The following SERAC1 variants were observed in gnomAD, a reference collection of about 807,000 sequenced individuals.
SERAC1 encodes the protein protein SERAC1.
In SERAC1, 36 loss-of-function variants were observed where a neutral mutation model predicts 85.7. The observed-to-expected ratio is 0.42, with a 90% CI of 0.32 to 0.55. SERAC1 has a LOEUF of 0.55. Among genes scored for constraint, SERAC1 ranks in the 20% least tolerant of loss-of-function variants. The pLI, the probability that SERAC1 is intolerant of heterozygous loss-of-function variation, is 0.11. For synonymous variants in SERAC1, 242 were observed against 265.3 expected, an observed-to-expected ratio of 0.91 and a Z score of 0.85; for missense variants, 629 against 796.2, an observed-to-expected ratio of 0.79 and a Z score of 2.53.
chr6:158,145,904 C>A (rs1253447710), intron 6 of SERAC1: 1 of 152,042 alleles, frequency 6.6e-6, no homozygotes, highest in East Asian at 1.9e-4. Context: ...TGTACTATAA[C>A]CAGAGAAGAT....
At chr6:158,158,659 C>A in intron 1 of SERAC1, 1 of 233,080 alleles carries the variant, frequency 4.3e-6, no homozygotes, top group Non-Finnish European at 8.5e-6. Flanking sequence ...TCCCAGAACA[C>A]AAGAATTAAA....
intron 1 of SERAC1, chr6:158,161,030 GCACTCT>G (rs1785475933): frequency 6.6e-6 from 1 of 152,092 alleles, no homozygotes; most frequent in Admixed American, 6.6e-5. Flanking sequence ...TATGTAGTTA[GCACTCT>G]CACTCTCAGC....
At chr6:158,167,537 C>CAAAAAA in intron 1 of SERAC1, among the ~76,000 whole-genome samples, 1 of 69,896 alleles carries the variant, frequency 1.4e-5, no homozygotes, top group Non-Finnish European at 3.2e-5. Flanking sequence ...GACTCCATCT[C>CAAAAAA]AAAAAAAAAA....
At chr6:158,118,517 C>T (rs576389782) in intron 12 of SERAC1, among the ~76,000 whole-genome samples, 11 of 150,284 alleles carry the variant, frequency 7.3e-5, no homozygotes, top group African/African-American at 2.7e-4. Flanking sequence ...ACTCAGGAGG[C>T]TGAGGGGGAA....
Position 158,144,283 on chromosome 6 carries a change from T to G in SERAC1, c.609+16A>C. The G allele has an allele frequency of 6.3e-7, 1 of 1,591,848 alleles. No individual in the cohort carries two copies. Among genetic ancestry groups the G allele is most frequent in the Non-Finnish European group, 8.6e-7 (1 of 1,163,474 alleles). On this transcript the variant is annotated intron_variant, in intron 7 of 16. Transcript: ENST00000647468. Reference sequence around the variant, plus strand: ...TTTTTCACTCTCTAAATTACTATTATTATTGTTTTACTTACTTCTTTTAAA... The same window carrying G: ...TTTTTCACTCTCTAAATTACTATTAGTATTGTTTTACTTACTTCTTTTAAA...
At position 158,150,426 on chromosome 6, in the gene SERAC1, CAG is replaced by C. The variant is rs755625925; in HGVS notation, c.265+25_265+26del. The C allele has an allele frequency of 4.6e-6, 7 of 1,517,604 alleles. No individual in the cohort carries two copies. The South Asian group carries it at 8.2e-5, about 18-fold the overall frequency. The allele number at this position is 1,517,604 out of a possible 1,614,324, so 94.0% of individuals were successfully genotyped here. On this transcript the variant is annotated intron_variant, in intron 4 of 16. Coordinates refer to ENST00000647468, the MANE Select transcript of SERAC1 (RefSeq NM_032861.4). ...TGCAATAACTAGCTTCCATTTTTCA[CAG>C]AGGATTACTTTACAATAAACTTACC... is the stretch of plus-strand genomic sequence containing the variant.
Position 158,144,415 on chromosome 6 carries a change from G to GAT in SERAC1, c.492_493insAT (p.Gln165IlefsTer5). The GAT allele has an allele frequency of 6.4e-7, 1 of 1,566,154 alleles. No individual in the cohort carries two copies. Among genetic ancestry groups the GAT allele is most frequent in the Non-Finnish European group, 8.7e-7 (1 of 1,152,936 alleles). ...CAGGCTTGAGCAATTATCCTATACTGGTAATCTATTGAAAAAGCATTTTCT... is the reference window on the plus strand; with the variant it reads ...CAGGCTTGAGCAATTATCCTATACTGATGTAATCTATTGAAAAAGCATTTTCT... On this transcript the variant is annotated frameshift_variant, in exon 7 of 17. Coordinates refer to ENST00000647468, the MANE Select transcript of SERAC1 (RefSeq NM_032861.4). LOFTEE classifies it high-confidence loss of function.
rs542994019 is a variant in SERAC1 at position 158,116,085 on chromosome 6, G to A, written c.1501+100C>T. ...ATTTAGCAGGGGGGGTAAGGGAGCC[G>A]CTATTAAGTAAAATGGAAAGATAAA... On this transcript the variant is annotated intron_variant, in intron 14 of 16. Coordinates refer to ENST00000647468, the MANE Select transcript of SERAC1 (RefSeq NM_032861.4). The A allele has an allele frequency of 3.2e-4, 289 of 915,824 alleles. No individual in the cohort carries two copies. The African/African-American group carries it at 4.4e-3, about 14-fold the overall frequency. The allele number at this position is 915,824 out of a possible 1,614,324, so 56.7% of individuals were successfully genotyped here.
In SERAC1 at chr6:158,110,534, T is replaced by C. The variant is rs558995632; in HGVS notation, c.*832A>G. 3 of 152,344 alleles carry C rather than the reference T, an allele frequency of 2.0e-5. No homozygotes were observed. The South Asian group carries it at 6.2e-4, about 32-fold the overall frequency. The allele number at this position is 152,344 out of a possible 1,614,324, so 9.4% of individuals were successfully genotyped here. On this transcript the variant is annotated 3_prime_UTR_variant, in exon 17 of 17. Coordinates refer to ENST00000647468, the MANE Select transcript of SERAC1 (RefSeq NM_032861.4). ...ACTACTCACATGCTATAGAGGTCAA[T>C]TAATACCACTTGCAAATGAGCAAGG...
chr6:158,141,674 A>G (rs1784919039), intron 8 of SERAC1, among the ~76,000 whole-genome samples: 1 of 152,192 alleles, frequency 6.6e-6, no homozygotes, highest in South Asian at 2.1e-4. Context: ...GGGCAGGAAG[A>G]ATCAAAAAGA....
chr6:158,128,377 G>A (rs914446487), intron 9 of SERAC1, 107 bp from the exon 10 acceptor site: 3 of 990,754 alleles, frequency 3.0e-6, no homozygotes, highest in Non-Finnish European at 4.5e-6. Flanking sequence ...CTCAAGGGCA[G>A]GGATGCAGGG....
intron 10 of SERAC1, among the ~76,000 whole-genome samples, chr6:158,123,431 A>C (rs915354453): frequency 1.3e-5 from 2 of 152,226 alleles, no homozygotes; most frequent in African/African-American, 4.8e-5. Context: ...TGTTAGTGAG[A>C]AAATTCCTTT....
At chr6:158,164,145 T>C (rs1433759728) in intron 1 of SERAC1, among the ~76,000 whole-genome samples, 2 of 152,130 alleles carry the variant, frequency 1.3e-5, no homozygotes, top group East Asian at 3.9e-4. Flanking sequence ...CCACATAATT[T>C]TAGAGTCTGC....
rs1162028191 is a variant in SERAC1, at chr6:158,150,492, A to G, written c.226T>C (p.Tyr76His). The G allele has an allele frequency of 6.3e-7, 1 of 1,579,406 alleles. No homozygotes were observed. Residue 76 changes from tyrosine (Y) to histidine (H), a missense_variant, in exon 4 of 17, where the codon TAT becomes CAT. By Grantham distance (83) the Tyr-to-His change is moderately conservative. Transcript: ENST00000647468. ...VEREKMKSYI[Y>H]VHTVSLDKGE... The stretch of plus-strand genomic sequence containing the variant: ...TTGTCTAAAGAAACTGTGTGCACAT[A>G]TATATATGACTTCATTTTTTCTCGT...
rs1048242614 is a variant in SERAC1 at position 158,120,029 on chromosome 6, T to C, written c.1166+396A>G. 1.3e-5 allele frequency among the ~76,000 whole-genome samples: 2 copies of C among 152,208 alleles called. No homozygotes were observed. Among genetic ancestry groups the C allele is most frequent in the Non-Finnish European group, 2.9e-5 (2 of 68,032 alleles). ...CCCTTGAGTTCTAGGCCCAGGCTAA[T>C]TTGGTTGCCACATAAGACAATGTCT... On this transcript the variant is annotated intron_variant, in intron 11 of 16. Transcript: ENST00000647468. The surrounding 1 kb of genome is among the most constrained non-coding windows in gnomAD (Gnocchi z 4.4).
At chr6:158,116,376 A>C (rs1263911912) in intron 13 of SERAC1, 94 bp from the exon 14 acceptor site, 2 of 847,904 alleles carry the variant, frequency 2.4e-6, no homozygotes, top group East Asian at 5.1e-5. Flanking sequence ...AGTCTACAGG[A>C]CCAATGCTAC....
At position 158,119,190 on chromosome 6, in the gene SERAC1, T is replaced by TA; in HGVS notation, c.1167-21dup. On this transcript the variant is annotated intron_variant, in intron 11 of 16. Coordinates refer to ENST00000647468, the MANE Select transcript of SERAC1 (RefSeq NM_032861.4). This position sits in a 1 kb window ranked among gnomAD's most constrained non-coding sequence, Gnocchi z 4.5. ...GGCTGACTAATAGGGGAGAGAGTTT[T>TA]AAAAAGAAGCAGAATAAATGCATTA... 1 of 1,595,114 alleles carries TA rather than the reference T, an allele frequency of 6.3e-7. No individual in the cohort carries two copies. Among genetic ancestry groups the TA allele is most frequent in the Non-Finnish European group, 8.6e-7 (1 of 1,169,274 alleles).
In SERAC1 at chr6:158,117,462, A is replaced by G; in HGVS notation, c.1403+265T>C. 2 of 1,513,028 alleles carry G rather than the reference A, an allele frequency of 1.3e-6. No individual in the cohort carries two copies. The highest frequency in any genetic ancestry group is 1.8e-6 in the Non-Finnish European group (2 of 1,121,194). The allele number at this position is 1,513,028 out of a possible 1,614,324, so 93.7% of individuals were successfully genotyped here. On this transcript the variant is annotated intron_variant, in intron 13 of 16. Transcript: ENST00000647468. The surrounding 1 kb of genome is among the most constrained non-coding windows in gnomAD (Gnocchi z 4.3). Reference sequence around the variant, plus strand: ...CTGATAGAAAAGGAGACTGCTAGACAATCCACGATCCTTCACTATTAGAAC... The same window carrying G: ...CTGATAGAAAAGGAGACTGCTAGACGATCCACGATCCTTCACTATTAGAAC...
chr6:158,117,598 T>C lies in SERAC1; in HGVS notation c.1403+129A>G. On this transcript the variant is annotated intron_variant, in intron 13 of 16. Coordinates refer to ENST00000647468, the MANE Select transcript of SERAC1 (RefSeq NM_032861.4). This position sits in a 1 kb window ranked among gnomAD's most constrained non-coding sequence, Gnocchi z 4.3. ...CTTCTAGAAGGAAGACAAAAAAGAT[T>C]AGGTTTGTTCTTCATAAGAAAATCC... 2 of 1,558,606 alleles carry C rather than the reference T, an allele frequency of 1.3e-6. No homozygotes were observed. The highest frequency in any genetic ancestry group is 1.7e-6 in the Non-Finnish European group (2 of 1,149,978).
Sources: allele counts gnomAD v4.1 joint callset (sites outside exome capture counted in the v4.1 genomes callset), GRCh38; gene constraint gnomAD v4.1.1; non-coding constraint Gnocchi (gnomAD v3.1); transcripts MANE v1.5; gene names NCBI Gene and HGNC (gene_info 2026-07-23, HGNC 2026-07-21).